PRH1: variants seen among roughly 807,000 people sequenced by gnomAD.
PRH1 encodes the protein salivary acidic proline-rich phosphoprotein 1/2.
PRH1 carries 7 observed loss-of-function variants against 7.9 expected under a neutral mutation model. That is an observed-to-expected ratio of 0.89 (90% CI 0.50 to 1.67). The LOEUF is 1.67. Ranked by LOEUF, PRH1 falls within the 40% of genes most tolerant of loss-of-function variation. The pLI, the probability that PRH1 is intolerant of heterozygous loss-of-function variation, is 0.00. For missense variants in PRH1, 109 were observed against 223.6 expected (o/e 0.49, Z 3.27); for synonymous variants, 45 against 80.8 (o/e 0.56, Z 2.38).
intron 2 of PRH1, among the ~76,000 whole-genome samples, chr12:10,967,375 A>G (rs1006350590): frequency 6.6e-6 from 1 of 152,212 alleles, no homozygotes; most frequent in Admixed American, 6.5e-5. Flanking sequence ...AAATGAGTCA[A>G]AATAAAAATG....
At chr12:10,909,210 A>C in intron 2 of PRH1, 1 of 1,613,510 alleles carries the variant, frequency 6.2e-7, no homozygotes, top group Non-Finnish European at 8.5e-7. Flanking sequence ...AATGCAGTTG[A>C]TCAGTACTAT....
rs539535017 is a variant in PRH1 at position 10,931,985 on chromosome 12, C to T, written c.-59+41670G>A. On this transcript the variant is annotated intron_variant, in intron 2 of 3. Coordinates refer to the PRH1 transcript ENST00000539853. ...TAACCCTTAACGTATCCAACAGCCA[C>T]AAAGCATGAACAACCTAACAATAAT... Among the ~76,000 whole-genome samples the T allele has an allele frequency of 2.0e-5, 3 of 152,288 alleles. No individual in the cohort carries two copies. The East Asian group carries it at 5.8e-4, about 29-fold the overall frequency.
At chr12:11,054,681 A>G (rs1020304883) in intron 1 of PRH1, among the ~76,000 whole-genome samples, 3 of 152,178 alleles carry the variant, frequency 2.0e-5, no homozygotes, top group Non-Finnish European at 4.4e-5. Context: ...TATTACTATA[A>G]TTTATTGGAA....
At chr12:10,907,347 G>A (rs141729673) in intron 2 of PRH1, among the ~76,000 whole-genome samples, 7 of 152,218 alleles carry the variant, frequency 4.6e-5, no homozygotes, top group Non-Finnish European at 7.4e-5. Flanking sequence ...CCATTTGAAT[G>A]TTCATTAACA....
intron 1 of PRH1, among the ~76,000 whole-genome samples, chr12:10,994,060 AGC>A (rs1222021899): frequency 6.6e-6 from 1 of 152,232 alleles, no homozygotes; most frequent in African/African-American, 2.4e-5. Context: ...GCTCATAGTC[AGC>A]CATGATTGGA....
chr12:11,093,195 C>CT (rs1944983239), intron 1 of PRH1, among the ~76,000 whole-genome samples: 1 of 115,786 alleles, frequency 8.6e-6, no homozygotes, highest in Non-Finnish European at 2.0e-5. Flanking sequence ...TCAAAGGGAG[C>CT]TTGGTCATAA....
chr12:11,055,925 AG>A (rs1943345537), intron 1 of PRH1, among the ~76,000 whole-genome samples: 2 of 152,276 alleles, frequency 1.3e-5, no homozygotes, highest in Non-Finnish European at 2.9e-5. Context: ...TGGGAAGCCC[AG>A]GAAGGCCAAT....
chr12:11,141,527 C>T (rs1279259282), intron 1 of PRH1, among the ~76,000 whole-genome samples: 11 of 152,132 alleles, frequency 7.2e-5, no homozygotes, highest in Non-Finnish European at 1.3e-4. Context: ...ACTGCCAAGA[C>T]AGGAAACCAG....
At chr12:11,027,818 G>C (rs1171318135) in intron 1 of PRH1, among the ~76,000 whole-genome samples, 2 of 152,216 alleles carry the variant, frequency 1.3e-5, no homozygotes, top group Admixed American at 6.5e-5. Context: ...TATGGAATTA[G>C]TGTAAGACCA....
intron 1 of PRH1, among the ~76,000 whole-genome samples, chr12:11,098,326 T>C (rs925592119): frequency 6.6e-6 from 1 of 151,642 alleles, no homozygotes; most frequent in East Asian, 2.0e-4. Flanking sequence ...GAAATCACCA[T>C]GGCGTGTTAA....
At chr12:10,930,122 C>T in intron 2 of PRH1, 2 of 956,516 alleles carry the variant, frequency 2.1e-6, no homozygotes, top group Non-Finnish European at 3.3e-6. Flanking sequence ...CATCTTCTTC[C>T]ACTTCCGGTA....
intron 1 of PRH1, among the ~76,000 whole-genome samples, chr12:11,107,369 A>G (rs916900583): frequency 3.3e-5 from 5 of 152,192 alleles, no homozygotes; most frequent in African/African-American, 1.2e-4. Context: ...TACAATTAAG[A>G]TAAGAGAAAT....
intron 1 of PRH1, chr12:11,031,278 C>T (rs1942200670): frequency 6.2e-7 from 1 of 1,613,686 alleles, no homozygotes; most frequent in African/African-American, 1.3e-5. Context: ...GCAAAATTTC[C>T]AATAACAAAT....
chr12:10,959,292 T>C (rs530908025), intron 2 of PRH1, among the ~76,000 whole-genome samples: 2 of 151,894 alleles, frequency 1.3e-5, no homozygotes, highest in Admixed American at 6.6e-5. Context: ...TTAGTTCAAG[T>C]TCCTGTTAGG....
chr12:11,032,362 A>G (rs1942263173), intron 1 of PRH1, among the ~76,000 whole-genome samples: 1 of 152,214 alleles, frequency 6.6e-6, no homozygotes, highest in African/African-American at 2.4e-5. Flanking sequence ...ATTTAAATAC[A>G]CAGAATCCTA....
chr12:11,151,651 T>G (rs958609726), intron 1 of PRH1, among the ~76,000 whole-genome samples: 2 of 152,210 alleles, frequency 1.3e-5, no homozygotes, highest in African/African-American at 2.4e-5. Flanking sequence ...GATACAAGAT[T>G]ACTTCAAGCC....
chr12:11,060,198 CA>C (rs2136176548), intron 1 of PRH1, among the ~76,000 whole-genome samples: 1 of 150,834 alleles, frequency 6.6e-6, no homozygotes, highest in Admixed American at 6.6e-5. Flanking sequence ...ATTTCCATCT[CA>C]TAATAGAACT....
chr12:10,920,701 T>G (rs1012721536), intron 2 of PRH1, among the ~76,000 whole-genome samples: 2 of 152,098 alleles, frequency 1.3e-5, no homozygotes, highest in Non-Finnish European at 2.9e-5. Context: ...TAGTATATAA[T>G]TTCTTTAAAT....
intron 2 of PRH1, among the ~76,000 whole-genome samples, chr12:10,958,754 C>G (rs1565499895): frequency 6.6e-6 from 1 of 152,092 alleles, no homozygotes; most frequent in South Asian, 2.1e-4. Context: ...CAAGAAGTGA[C>G]ACAAAGGCCA....
Sources: gnomAD v4.1 joint callset for allele counts (sites outside exome capture counted in the v4.1 genomes callset) on GRCh38, gnomAD v4.1.1 for gene constraint, MANE v1.5 for transcripts, NCBI Gene and HGNC (gene_info 2026-07-23, HGNC 2026-07-21) for gene names.